The following ZMYND12 variants were observed in gnomAD, a reference collection of about 807,000 sequenced individuals.
ZMYND12 encodes the protein zinc finger MYND domain-containing protein 12.
A neutral mutation model predicts 41.7 loss-of-function variants in ZMYND12; 32 were observed. The observed-to-expected ratio is 0.77, with a 90% CI of 0.58 to 1.03. The LOEUF is 1.03. ZMYND12 is among the 50% of genes least tolerant of loss of function. ZMYND12 has a pLI of 0.00. For synonymous variants in ZMYND12, 148 were observed against 164.8 expected, an observed-to-expected ratio of 0.90 and a Z score of 0.78; for missense variants, 424 against 438.5, an observed-to-expected ratio of 0.97 and a Z score of 0.30.
rs1384596384 is a variant in ZMYND12 at position 42,449,956 on chromosome 1, C to T, written c.214G>A (p.Glu72Lys). The change falls in exon 2 of 8, where the codon GAA becomes AAA. Residue 72 changes from glutamate to lysine, a missense_variant. Transcript: ENST00000372565. ...TSMPFYNSEEERQHGLQQLQQ... is the reference protein window; with the variant it reads ...TSMPFYNSEEKRQHGLQQLQQ... ...AGCTGCTGCAGGCCATGCTGCCGTT[C>T]TTCCTCTGAATTGTAGAAGGGCATG... The T allele has an allele frequency of 6.2e-7, 1 of 1,613,430 alleles. No individual in the cohort carries two copies. The highest frequency in any genetic ancestry group is 1.7e-5 in the Admixed American group (1 of 60,022).
chr1:42,455,125 G>A lies in ZMYND12; in HGVS notation c.110+763C>T, dbSNP rs16829547. 4.0e-3 allele frequency among the ~76,000 whole-genome samples: 605 copies of A among 152,258 alleles called. 3 individuals are homozygous for A. Among genetic ancestry groups the A allele is most frequent in the African/African-American group, 0.014 (576 of 41,542 alleles). On this transcript the variant is annotated intron_variant, in intron 1 of 7. Transcript: ENST00000372565. ...CCTCCACTACTACGTTCTCCACTCG[G>A]CCCTTAGCAAACTCTGTTCTTTTGC...
At position 42,433,157 on chromosome 1, in the gene ZMYND12, T is replaced by C. The variant is rs532842517; in HGVS notation, c.961A>G (p.Met321Val). 3 of 1,609,716 alleles carry C rather than the reference T, an allele frequency of 1.9e-6. No individual in the cohort carries two copies. The African/African-American group carries it at 4.0e-5, about 22-fold the overall frequency. Residue 321 changes from methionine to valine, a missense_variant, in exon 7 of 8, where the codon ATG becomes GTG. Met to Val is a conservative substitution (Grantham distance 21). Transcript: ENST00000372565. ...KILVMFYYLM[M>V]NSSKAQEYGM... ...GGGAAACTTGCCTTTGAAGAATTCA[T>C]CATCAGGTAGTAAAACATGACCAGG...
At chr1:42,450,162 A>T in intron 1 of ZMYND12, 103 bp from the exon 2 acceptor site, 1 of 1,379,204 alleles carries the variant, frequency 7.3e-7, no homozygotes, top group South Asian at 1.3e-5. Flanking sequence ...AAAGTAAGCC[A>T]AATACAAACC....
At position 42,439,897 on chromosome 1, in the gene ZMYND12, T is replaced by C. The variant is rs1302265224; in HGVS notation, c.553A>G (p.Lys185Glu). 1.9e-6 allele frequency: 3 copies of C among 1,613,642 alleles called. 1 individual carries two copies. Among genetic ancestry groups the C allele is most frequent in the Non-Finnish European group, 2.5e-6 (3 of 1,179,960 alleles). The stretch of plus-strand genomic sequence containing the variant: ...TAACGGGCCTCTTCATAGTTTTTCT[T>C]AGCTATATAGAGAAGTCCCAGATTC... ...HRNLGLLYIA[K>E]KNYEEARYHL... The change falls in exon 4 of 8, where the codon AAG becomes GAG. Residue 185 changes from lysine (K) to glutamate (E), a missense_variant. By Grantham distance (56) the Lys-to-Glu change is moderately conservative (BLOSUM62 1). Transcript: ENST00000372565.
chr1:42,446,592 C>T (rs1643026537), intron 3 of ZMYND12, among the ~76,000 whole-genome samples: 1 of 150,286 alleles, frequency 6.7e-6, no homozygotes, highest in Admixed American at 6.7e-5. Context: ...GTGGAGGCTG[C>T]AGTGAGCTCA....
intron 4 of ZMYND12, 40 bp from the exon 5 acceptor site, chr1:42,436,583 T>G (rs183399138): frequency 6.2e-7 from 1 of 1,607,028 alleles, no homozygotes; most frequent in East Asian, 2.2e-5. Context: ...GAGTTCCTTT[T>G]GCAAATCATA....
In ZMYND12 at chr1:42,441,613, A is replaced by ATTGTTTTGTT. The variant is rs149918890; in HGVS notation, c.425-1598_425-1589dup. ...TATAAGCCCACAAGTAACATCATGT[A>ATTGTTTTGTT]TTGTTTTGTTTTGTTTTGTTTTTTT... On this transcript the variant is annotated intron_variant, in intron 3 of 7. Coordinates refer to ENST00000372565, the MANE Select transcript of ZMYND12 (RefSeq NM_032257.5). 4.5e-3 allele frequency among the ~76,000 whole-genome samples: 682 copies of ATTGTTTTGTT among 150,476 alleles called. 5 individuals are homozygous for ATTGTTTTGTT. Among genetic ancestry groups the ATTGTTTTGTT allele is most frequent in the African/African-American group, 0.016 (629 of 40,560 alleles).
intron 7 of ZMYND12, 163 bp downstream of exon 7, chr1:42,432,980 A>C: frequency 1.3e-6 from 1 of 789,286 alleles, no homozygotes; most frequent in Non-Finnish European, 2.0e-6. Flanking sequence ...TATGCAGGCT[A>C]GACTCAACAC....
At chr1:42,447,305 C>A (rs1177733262) in intron 3 of ZMYND12, among the ~76,000 whole-genome samples, 5 of 152,138 alleles carry the variant, frequency 3.3e-5, no homozygotes, top group African/African-American at 4.8e-5. Context: ...TAACGTGAGT[C>A]CCATCATTAG....
At chr1:42,436,980 A>G (rs1642914610) in intron 4 of ZMYND12, among the ~76,000 whole-genome samples, 1 of 152,186 alleles carries the variant, frequency 6.6e-6, no homozygotes, top group African/African-American at 2.4e-5. Flanking sequence ...ACCCACAAAG[A>G]CTTGTACGTA....
chr1:42,444,017 C>A (rs1642996658), intron 3 of ZMYND12, among the ~76,000 whole-genome samples: 1 of 152,154 alleles, frequency 6.6e-6, no homozygotes, highest in Admixed American at 6.5e-5. Flanking sequence ...AAGTGCATGC[C>A]ACCATGACCG....
rs1333708419 is a variant in ZMYND12 at position 42,433,318 on chromosome 1, A to G, written c.830-30T>C. On this transcript the variant is annotated intron_variant, in intron 6 of 7. Coordinates refer to ENST00000372565, the MANE Select transcript of ZMYND12 (RefSeq NM_032257.5). ...ATTGGAAGGGGAAGAAAGAAAAAAC[A>G]GGCTCTTGGCAACTGAGTCTGCCCT... 24 of 1,584,764 alleles carry G rather than the reference A, an allele frequency of 1.5e-5. No homozygotes were observed. The Admixed American group carries it at 4.6e-4, about 30-fold the overall frequency.
rs12024092 is a variant in ZMYND12, at chr1:42,455,818, C to T, written c.110+70G>A. 7.8e-6 allele frequency: 10 copies of T among 1,283,256 alleles called. No individual in the cohort carries two copies. The East Asian group carries it at 1.9e-4, about 24-fold the overall frequency. 79.5% of individuals were successfully genotyped at this position (1,283,256 alleles called of 1,614,324 possible). ...AGGGGCAACGGCTAACGCAAGGTACCCAAGCCAGACCCGGGAAAGGGAGAG... is the reference window on the plus strand; with the variant it reads ...AGGGGCAACGGCTAACGCAAGGTACTCAAGCCAGACCCGGGAAAGGGAGAG... On this transcript the variant is annotated intron_variant, in intron 1 of 7. Coordinates refer to ENST00000372565, the MANE Select transcript of ZMYND12 (RefSeq NM_032257.5).
At chr1:42,438,179 A>C (rs1319563053) in intron 4 of ZMYND12, among the ~76,000 whole-genome samples, 1 of 152,196 alleles carries the variant, frequency 6.6e-6, no homozygotes, top group African/African-American at 2.4e-5. Flanking sequence ...GAGGATGTAG[A>C]GTATAGAGAG....
chr1:42,438,255 C>T (rs1287980955), intron 4 of ZMYND12, among the ~76,000 whole-genome samples: 1 of 152,160 alleles, frequency 6.6e-6, no homozygotes, highest in African/African-American at 2.4e-5. Flanking sequence ...AATAAGATTG[C>T]CTGAAGATAG....
At chr1:42,447,320 T>C (rs1247770988) in intron 3 of ZMYND12, among the ~76,000 whole-genome samples, 1 of 152,174 alleles carries the variant, frequency 6.6e-6, no homozygotes. Flanking sequence ...CATTAGGAAA[T>C]ATCAGACAAA....
chr1:42,437,440 C>CTGTGTGTGTGTGTGTGTGTG (rs113850227), intron 4 of ZMYND12, among the ~76,000 whole-genome samples: 48 of 144,506 alleles, frequency 3.3e-4, no homozygotes, highest in African/African-American at 6.0e-4. Context: ...CAATAAAGCT[C>CTGTGTGTGTGTGTGTGTGTG]TGTGTGTGTG....
At chr1:42,440,413 A>T (rs911341565) in intron 3 of ZMYND12, among the ~76,000 whole-genome samples, 1 of 152,156 alleles carries the variant, frequency 6.6e-6, no homozygotes, top group African/African-American at 2.4e-5. Flanking sequence ...GTATGATTCC[A>T]TTTATATGAA....
intron 1 of ZMYND12, among the ~76,000 whole-genome samples, chr1:42,450,737 C>T (rs60504638): frequency 0.38 from 58,148 of 151,990 alleles, 11,588 homozygotes; most frequent in East Asian, 0.59. Context: ...TAAATTCATA[C>T]AGTAACCTCT....
Sources: allele counts gnomAD v4.1 joint callset (sites outside exome capture counted in the v4.1 genomes callset), GRCh38; gene constraint gnomAD v4.1.1; transcripts MANE v1.5; gene names NCBI Gene and HGNC (gene_info 2026-07-23, HGNC 2026-07-21).